The following LIG3 variants were observed in gnomAD, a reference collection of about 807,000 sequenced individuals.
The protein encoded by LIG3 is DNA ligase 3, also known as ligase II, DNA, ATP-dependent.
A neutral mutation model predicts 110.9 loss-of-function variants in LIG3; 58 were observed. The observed-to-expected ratio is 0.52, with a 90% CI of 0.42 to 0.65. The LOEUF (loss-of-function observed/expected upper bound fraction) is 0.65. Ranked by LOEUF, LIG3 falls within the 30% of genes least tolerant of loss-of-function variation. LIG3 has a pLI of 0.00. For synonymous variants in LIG3, 422 were observed against 472.8 expected, an observed-to-expected ratio of 0.89 and a Z score of 1.39; for missense variants, 1,094 against 1,273.8, an observed-to-expected ratio of 0.86 and a Z score of 2.15.
intron 4 of LIG3, among the ~76,000 whole-genome samples, 199 bp from the exon 5 acceptor site, chr17:34,990,764 A>G (rs566041941): frequency 6.6e-6 from 1 of 152,162 alleles, no homozygotes; most frequent in South Asian, 2.1e-4. Flanking sequence ...TGTCCAGCTA[A>G]TTTTTTAATT....
At chr17:35,003,055 C>T (rs1188279571) in intron 19 of LIG3, 2 of 1,614,084 alleles carry the variant, frequency 1.2e-6, no homozygotes, top group Non-Finnish European at 1.7e-6. Context: ...ATAGAACAGC[C>T]CGGCCTAGCC....
In LIG3 at chr17:34,998,711, T is replaced by C; in HGVS notation, c.2097T>C (p.Tyr699=). Residue 699 remains tyrosine (Y), a synonymous_variant, in exon 14 of 20, where the codon TAT becomes TAC. Transcript: ENST00000378526. ...ACCTGGTGGTCCTTGGAGCCTTCTATGGGCAAGGGAGCAAAGGTCAGGGTG... is the reference window on the plus strand; with the variant it reads ...ACCTGGTGGTCCTTGGAGCCTTCTACGGGCAAGGGAGCAAAGGTCAGGGTG... ...TADLVVLGAF[Y]GQGSKGGMMS... The C allele has an allele frequency of 6.2e-7, 1 of 1,614,012 alleles. No homozygotes were observed. Among genetic ancestry groups the C allele is most frequent in the South Asian group, 1.1e-5 (1 of 91,076 alleles).
chr17:34,996,221 AGAAT>A, intron 10 of LIG3, 26 bp downstream of exon 10: 1 of 1,611,314 alleles, frequency 6.2e-7, no homozygotes, highest in Non-Finnish European at 8.5e-7. Context: ...CATATGTGCA[AGAAT>A]GAATGAGTGT....
chr17:34,992,032 A>C lies in LIG3; in HGVS notation c.1283A>C (p.His428Pro). The change falls in exon 7 of 20, where the codon CAT (histidine) becomes CCT (proline). Residue 428 changes from histidine (H) to proline (P), a missense_variant. Coordinates refer to ENST00000378526, the MANE Select transcript of LIG3 (RefSeq NM_013975.4). The part of the protein sequence containing the change: ...HDLKMNSGAK[H>P]VLDALDPNAY... ...CTGAAGATGAACTCAGGTGCAAAAC[A>C]TGTGTAAGTAGCAGCTCCGCTGACA... 1.2e-6 allele frequency: 2 copies of C among 1,613,772 alleles called. No individual in the cohort carries two copies. The highest frequency in any genetic ancestry group is 4.5e-5 in the East Asian group (2 of 44,874).
chr17:34,982,885 A>T, intron 1 of LIG3, 117 bp from the exon 2 acceptor site: 1 of 720,502 alleles, frequency 1.4e-6, no homozygotes, highest in African/African-American at 1.8e-5. Flanking sequence ...AATACTTTGG[A>T]AAGTGTTTGA....
At chr17:34,999,532 A>G in intron 15 of LIG3, 83 bp downstream of exon 15, 2 of 1,501,120 alleles carry the variant, frequency 1.3e-6, no homozygotes, top group South Asian at 2.5e-5. Flanking sequence ...GACTACAGGT[A>G]TTTCTGTCTC....
intron 19 of LIG3, chr17:35,003,322 TAA>T: frequency 1.9e-6 from 1 of 527,088 alleles, no homozygotes; most frequent in Non-Finnish European, 3.1e-6. Flanking sequence ...TTTTTTGAGA[TAA>T]GTCTCGCTCT....
At position 35,005,494 on chromosome 17, in the gene LIG3, C is replaced by G. The variant is rs756534010; in HGVS notation, c.*988C>G. 2.7e-5 allele frequency: 15 copies of G among 564,884 alleles called. No homozygotes were observed. The highest frequency in any genetic ancestry group is 5.0e-5 in the Non-Finnish European group (14 of 279,328). 35.0% of individuals were successfully genotyped at this position (564,884 alleles called of 1,614,324 possible). On this transcript the variant is annotated 3_prime_UTR_variant, in exon 20 of 20. Coordinates refer to ENST00000378526, the MANE Select transcript of LIG3 (RefSeq NM_013975.4). Reference sequence around the variant, plus strand: ...AGTATTGGCTGATGAACGTGGGCATCAGAGGCCAGTAGCTTTCTTGGCCTA... The same window carrying G: ...AGTATTGGCTGATGAACGTGGGCATGAGAGGCCAGTAGCTTTCTTGGCCTA...
Position 35,009,600 on chromosome 17 carries a change from A to C in LIG3, c.*5094A>C, listed in dbSNP as rs2090922672. On this transcript the variant is annotated 3_prime_UTR_variant, in exon 20 of 20. Coordinates refer to ENST00000378526, the MANE Select transcript of LIG3 (RefSeq NM_013975.4). Reference sequence around the variant, plus strand: ...TAAAAATGATGCAAAAAAAAAAAAAATCAGGGTTGTTTGACACCTTTTTTC... The same window carrying C: ...TAAAAATGATGCAAAAAAAAAAAAACTCAGGGTTGTTTGACACCTTTTTTC... 6.6e-6 allele frequency: 1 copy of C among 152,022 alleles called. No homozygotes were observed. Among genetic ancestry groups the C allele is most frequent in the Non-Finnish European group, 1.5e-5 (1 of 68,028 alleles). The allele number at this position is 152,022 out of a possible 1,614,324, so 9.4% of individuals were successfully genotyped here. A position where few individuals can be genotyped will look rare whatever the true frequency, so the allele number is the denominator to read the frequency against.
intron 17 of LIG3, 44 bp from the exon 18 acceptor site, chr17:35,001,865 G>A (rs2090845498): frequency 1.9e-6 from 3 of 1,564,506 alleles, no homozygotes; most frequent in East Asian, 4.5e-5. Context: ...AGGCCAGACT[G>A]GGAAGGCAAT....
In LIG3 at chr17:34,989,563, A is replaced by G. The variant is rs778832580; in HGVS notation, c.789A>G (p.Leu263=). ...KCDPRHKDCL[L]REFRKLCAMV... ...ACCCCAGGCATAAGGACTGTCTGCT[A>G]CGGGAGTTTCGAAAGTTATGCGCCA... Residue 263 remains leucine, a synonymous_variant, in exon 4 of 20, where the codon CTA becomes CTG. Coordinates refer to ENST00000378526, the MANE Select transcript of LIG3 (RefSeq NM_013975.4). The G allele has an allele frequency of 7.4e-6, 12 of 1,614,068 alleles. No individual in the cohort carries two copies. In the African/African-American group the frequency reaches 1.3e-4, roughly 18 times the overall value.
At chr17:34,997,715 C>T (rs754773871) in intron 11 of LIG3, 23 bp from the exon 12 acceptor site, 6 of 1,587,168 alleles carry the variant, frequency 3.8e-6, no homozygotes, top group Non-Finnish European at 2.6e-6. Context: ...CCGGCCTAAC[C>T]TCAGCTCTCC....
chr17:34,989,860 A>C, intron 4 of LIG3, 197 bp downstream of exon 4: 1 of 578,842 alleles, frequency 1.7e-6, no homozygotes, highest in South Asian at 2.1e-5. Context: ...TCCACAAATT[A>C]TGTAGCCAGT....
chr17:35,010,024 C>G (rs1480724940), downstream of LIG3: 2 of 152,630 alleles, frequency 1.3e-5, no homozygotes, highest in East Asian at 3.8e-4. Flanking sequence ...GGTTCAGAAT[C>G]AAATCATCCA....
rs530203394 is a variant in LIG3, at chr17:34,999,801, G to C, written c.2276G>C (p.Ser759Thr). 28 of 1,614,082 alleles carry C rather than the reference G, an allele frequency of 1.7e-5. No homozygotes were observed. The highest frequency in any genetic ancestry group is 2.3e-5 in the Non-Finnish European group (27 of 1,179,978). The change falls in exon 16 of 20, where the codon AGC (serine) becomes ACC (threonine). Residue 759 changes from serine (S) to threonine (T), a missense_variant. Ser to Thr is a moderately conservative substitution (Grantham distance 58). Transcript: ENST00000378526. ...KISKDPSKIP[S>T]WLKVNKIYYP... ...CTCTAGGACCCCAGCAAAATACCCA[G>C]CTGGTTGAAGGTCAACAAGATCTAC...
At chr17:35,004,031 G>C in intron 19 of LIG3, 1 of 520,794 alleles carries the variant, frequency 1.9e-6, no homozygotes, top group Non-Finnish European at 3.5e-6. Flanking sequence ...CCCATCTCCA[G>C]GTCCCAGATG....
chr17:34,982,981 G>A, intron 1 of LIG3, 21 bp from the exon 2 acceptor site: 1 of 1,290,186 alleles, frequency 7.8e-7, no homozygotes, highest in Non-Finnish European at 1.0e-6. Context: ...TTTTTTTTTG[G>A]CCTCCTACTC....
Position 34,999,941 on chromosome 17 carries a change from G to A in LIG3, c.2331+85G>A, listed in dbSNP as rs144897388. On this transcript the variant is annotated intron_variant, in intron 16 of 19. Coordinates refer to ENST00000378526, the MANE Select transcript of LIG3 (RefSeq NM_013975.4). ...TGCCATAGAGAATCCATCTCACCTC[G>A]CTGAAAGTCCACCCAGGGATAGGGG... 2,011 of 1,097,106 alleles carry A rather than the reference G, an allele frequency of 1.8e-3. 7 individuals are homozygous for A. The highest frequency in any genetic ancestry group is 0.01 in the Middle Eastern group (39 of 3,830). 68.0% of individuals were successfully genotyped at this position (1,097,106 alleles called of 1,614,324 possible).
chr17:35,000,122 C>G (rs886865580), intron 16 of LIG3, among the ~76,000 whole-genome samples: 1 of 152,216 alleles, frequency 6.6e-6, no homozygotes, highest in Non-Finnish European at 1.5e-5. Context: ...TAGAAGTAAT[C>G]TGGCCCAATC....
Sources: allele counts gnomAD v4.1 joint callset (sites outside exome capture counted in the v4.1 genomes callset), GRCh38; gene constraint gnomAD v4.1.1; transcripts MANE v1.5; gene names NCBI Gene and HGNC (gene_info 2026-07-23, HGNC 2026-07-21).